The following UBE3B variants were observed in gnomAD, a reference collection of about 807,000 sequenced individuals.
UBE3B encodes ubiquitin-protein ligase E3B.
UBE3B carries 80 observed loss-of-function variants against 132.3 expected under a neutral mutation model. The observed-to-expected ratio is 0.60, with a 90% CI of 0.50 to 0.73. UBE3B has a LOEUF of 0.73. Ranked by LOEUF, UBE3B falls within the 30% of genes least tolerant of loss-of-function variation. The probability of loss-of-function intolerance (pLI) is 0.00; values close to 1 mark genes in which losing one functional copy is unlikely to be tolerated. For synonymous variants in UBE3B, 487 were observed against 520.4 expected, an observed-to-expected ratio of 0.94 and a Z score of 0.87; for missense variants, 1,196 against 1,362.5, an observed-to-expected ratio of 0.88 and a Z score of 1.92.
intron 24 of UBE3B, 96 bp downstream of exon 24, chr12:109,526,512 G>A: frequency 2.4e-6 from 3 of 1,247,434 alleles, no homozygotes; most frequent in Non-Finnish European, 3.5e-6. Context: ...ATAGATTGAA[G>A]TAGAAAGAGG....
chr12:109,530,762 C>A, intron 26 of UBE3B, 104 bp downstream of exon 26: 1 of 1,125,526 alleles, frequency 8.9e-7, no homozygotes, highest in Non-Finnish European at 1.3e-6. Flanking sequence ...ATCAGGAGGA[C>A]CTCAGATAGT....
chr12:109,504,800 G>T (rs544250674), intron 14 of UBE3B, among the ~76,000 whole-genome samples: 133 of 150,144 alleles, frequency 8.9e-4, no homozygotes, highest in African/African-American at 3.3e-3. Context: ...TGTGGTTTGT[G>T]TCCAGCTTTT....
At chr12:109,494,923 C>T (rs1286274715) in intron 9 of UBE3B, among the ~76,000 whole-genome samples, 2 of 152,166 alleles carry the variant, frequency 1.3e-5, no homozygotes, top group Non-Finnish European at 2.9e-5. Flanking sequence ...AATGCCACAG[C>T]CCTTTGTACC....
chr12:109,488,225 T>C (rs1249732718), intron 6 of UBE3B, among the ~76,000 whole-genome samples: 2 of 152,220 alleles, frequency 1.3e-5, no homozygotes, highest in Non-Finnish European at 2.9e-5. Context: ...GTCCTAGTCA[T>C]GCTCAATTGC....
At chr12:109,544,136 C>T in the UBE3B span, among the ~76,000 whole-genome samples, 2 of 152,184 alleles carry the variant, frequency 1.3e-5, no homozygotes, top group African/African-American at 4.8e-5. Context: ...AACAAAACAA[C>T]CTGGAGTATG....
At position 109,508,617 on chromosome 12, in the gene UBE3B, A is replaced by G. The variant is rs186599325; in HGVS notation, c.1622+882A>G. 599 of 985,626 alleles carry G rather than the reference A, an allele frequency of 6.1e-4. 6 individuals are homozygous for G. In the African/African-American group the frequency reaches 0.01, roughly 17 times the overall value. 61.1% of individuals were successfully genotyped at this position (985,626 alleles called of 1,614,324 possible). A position where few individuals can be genotyped will look rare whatever the true frequency, so the allele number is the denominator to read the frequency against. ...TAGCCGGAGAGGATCAGGGACATGT[A>G]GGTGGCAGATTGGGTGAGGATCATG... On this transcript the variant is annotated intron_variant, in intron 15 of 27. Coordinates refer to ENST00000342494, the MANE Select transcript of UBE3B (RefSeq NM_130466.4).
chr12:109,544,121 A>G, the UBE3B span, among the ~76,000 whole-genome samples: 1 of 152,152 alleles, frequency 6.6e-6, no homozygotes. Flanking sequence ...GGCCCCAGCA[A>G]TAACAACAAA....
chr12:109,500,806 G>A (rs1252017165), intron 12 of UBE3B, among the ~76,000 whole-genome samples: 1 of 152,236 alleles, frequency 6.6e-6, no homozygotes, highest in East Asian at 1.9e-4. Context: ...TGCATGTGAA[G>A]CACCTACCAG....
rs911793908 is a variant in UBE3B at position 109,535,479 on chromosome 12, C to G, written c.*697C>G. On this transcript the variant is annotated 3_prime_UTR_variant, in exon 28 of 28. Transcript: ENST00000342494. ...GAGCTGCCAGAGAGTCTTCCCGGAC[C>G]TATTCCCGTCCTATGCATTCACATT... The G allele has an allele frequency of 6.6e-6, 1 of 152,322 alleles. No individual in the cohort carries two copies. Among genetic ancestry groups the G allele is most frequent in the Non-Finnish European group, 1.5e-5 (1 of 68,122 alleles). 9.4% of individuals were successfully genotyped at this position (152,322 alleles called of 1,614,324 possible).
intron 14 of UBE3B, among the ~76,000 whole-genome samples, chr12:109,506,924 G>A (rs1310624318): frequency 6.6e-6 from 1 of 152,198 alleles, no homozygotes; most frequent in Non-Finnish European, 1.5e-5. Flanking sequence ...TTCAAATAAG[G>A]CAAAGCCGAG....
At chr12:109,517,750 C>T (rs1881236027) in intron 19 of UBE3B, among the ~76,000 whole-genome samples, 1 of 152,184 alleles carries the variant, frequency 6.6e-6, no homozygotes, top group African/African-American at 2.4e-5. Context: ...CTGCAGTTCC[C>T]CATGAGCCTG....
chr12:109,530,058 T>C lies in UBE3B; in HGVS notation c.2796T>C (p.Asp932=). 1.2e-6 allele frequency: 2 copies of C among 1,613,964 alleles called. No homozygotes were observed. Among genetic ancestry groups the C allele is most frequent in the Non-Finnish European group, 1.7e-6 (2 of 1,179,930 alleles). Residue 932 remains aspartate (D), a synonymous_variant, in exon 25 of 28, where the codon GAT becomes GAC. Transcript: ENST00000342494. ...RLISGDNAEI[D]LEDLKKHTVY... ...TCTCTGGCGACAATGCTGAGATTGA[T>C]CTGGAAGATTTAAAGTAAGAGGCGG...
chr12:109,498,049 G>C, intron 10 of UBE3B, 126 bp downstream of exon 10: 1 of 1,310,030 alleles, frequency 7.6e-7, no homozygotes, highest in South Asian at 1.3e-5. Context: ...TTTGGGACCA[G>C]TGGCCGTGAT....
At chr12:109,485,220 A>T (rs1034890105) in intron 4 of UBE3B, among the ~76,000 whole-genome samples, 6 of 152,252 alleles carry the variant, frequency 3.9e-5, no homozygotes, top group African/African-American at 9.6e-5. Context: ...CCACTGAGGC[A>T]TGTCTCCAAG....
intron 1 of UBE3B, among the ~76,000 whole-genome samples, chr12:109,479,978 G>A (rs886925396): frequency 3.3e-5 from 5 of 151,992 alleles, no homozygotes; most frequent in African/African-American, 1.2e-4. Context: ...TTGTGGCTTG[G>A]GCCCTGCTCT....
chr12:109,489,832 C>G, intron 7 of UBE3B, 87 bp from the exon 8 acceptor site: 1 of 1,264,052 alleles, frequency 7.9e-7, no homozygotes, highest in Admixed American at 1.7e-5. Flanking sequence ...CTTAGGGCCT[C>G]GGATGTGGGA....
chr12:109,484,188 G>C (rs1236500574), intron 4 of UBE3B, among the ~76,000 whole-genome samples: 1 of 152,160 alleles, frequency 6.6e-6, no homozygotes, highest in African/African-American at 2.4e-5. Context: ...ATAAGCACAA[G>C]TTGAACTCAG....
chr12:109,515,015 G>A (rs79313644), intron 18 of UBE3B, among the ~76,000 whole-genome samples: 7,960 of 151,780 alleles, frequency 0.052, 274 homozygotes, highest in South Asian at 0.11. Context: ...CCGGGTTCAC[G>A]CCATTCTCCT....
Position 109,511,273 on chromosome 12 carries a change from G to A in UBE3B, c.1926G>A (p.Gln642=). The A allele has an allele frequency of 6.2e-7, 1 of 1,614,186 alleles. No individual in the cohort carries two copies. Among genetic ancestry groups the A allele is most frequent in the Non-Finnish European group, 8.5e-7 (1 of 1,180,008 alleles). The stretch of plus-strand genomic sequence containing the variant: ...GAAAACGGGCACAGTTGATCCTGCA[G>A]TACATCCCACATGTCATCCCTCACA... ...RDRKRAQLIL[Q]YIPHVIPHKN... is the part of the protein sequence containing the mutation. The change falls in exon 18 of 28, where the codon CAG becomes CAA. Residue 642 remains glutamine, a synonymous_variant. Transcript: ENST00000342494.
Sources: gnomAD v4.1 joint callset for allele counts (sites outside exome capture counted in the v4.1 genomes callset) on GRCh38, gnomAD v4.1.1 for gene constraint, MANE v1.5 for transcripts, NCBI Gene and HGNC (gene_info 2026-07-23, HGNC 2026-07-21) for gene names.